RARS1: variants seen among roughly 807,000 people sequenced by gnomAD.
The protein encoded by RARS1 is arginine--tRNA ligase, cytoplasmic.
Under a neutral mutation model 78.7 loss-of-function variants are expected in RARS1, and 75 were observed. The ratio of observed to expected loss-of-function variants is 0.95; its 90% CI spans 0.79 to 1.15. The LOEUF is 1.15. Ranked by LOEUF, RARS1 falls within the 50% of genes most tolerant of loss-of-function variation. The pLI is 0.00. For missense variants in RARS1, 787 were observed against 787.5 expected, an observed-to-expected ratio of 1.00 and a Z score of 0.01; for synonymous variants, 273 against 268.2, an observed-to-expected ratio of 1.02 and a Z score of -0.18.
Position 168,497,174 on chromosome 5 carries a change from C to T in RARS1, c.702-54C>T, listed in dbSNP as rs1168993882. 13 of 1,285,146 alleles carry T rather than the reference C, an allele frequency of 1.0e-5. No individual in the cohort carries two copies. The East Asian group carries it at 3.7e-4, about 37-fold the overall frequency. The allele number at this position is 1,285,146 out of a possible 1,614,324, so 79.6% of individuals were successfully genotyped here. A position where few individuals can be genotyped will look rare whatever the true frequency, so the allele number is the denominator to read the frequency against. ...ATGGAATATAGTTCCTCTAATTTAACTTAACCATCTTTATTATTTAAAAAA... is the reference window on the plus strand; with the variant it reads ...ATGGAATATAGTTCCTCTAATTTAATTTAACCATCTTTATTATTTAAAAAA... On this transcript the variant is annotated intron_variant, in intron 6 of 14. Transcript: ENST00000231572.
chr5:168,508,659 G>A (rs1018804863), intron 11 of RARS1, among the ~76,000 whole-genome samples: 1 of 151,594 alleles, frequency 6.6e-6, no homozygotes, highest in Non-Finnish European at 1.5e-5. Context: ...CACAGAGGGG[G>A]ATGGGACTTA....
At chr5:168,503,743 A>T (rs1035643460) in intron 9 of RARS1, among the ~76,000 whole-genome samples, 1 of 152,028 alleles carries the variant, frequency 6.6e-6, no homozygotes, top group Non-Finnish European at 1.5e-5. Context: ...TATTTTAATC[A>T]CAGTCTAGGG....
At chr5:168,513,915 T>G (rs1758616454) in intron 12 of RARS1, among the ~76,000 whole-genome samples, 1 of 152,172 alleles carries the variant, frequency 6.6e-6, no homozygotes, top group Non-Finnish European at 1.5e-5. Flanking sequence ...TTGCACAATG[T>G]TTTTATTGGG....
At chr5:168,495,474 A>G (rs757994008) in intron 6 of RARS1, 38 bp downstream of exon 6, 4 of 1,584,122 alleles carry the variant, frequency 2.5e-6, no homozygotes, top group South Asian at 2.3e-5. Context: ...CTCTTTCCTT[A>G]TTTTCTTGTT....
At chr5:168,516,158 C>G (rs544857648) in intron 12 of RARS1, among the ~76,000 whole-genome samples, 10 of 152,286 alleles carry the variant, frequency 6.6e-5, no homozygotes, top group African/African-American at 2.4e-4. Context: ...TTGATGCTCT[C>G]TAGTGACTTC....
chr5:168,511,306 G>A (rs1011003210), intron 12 of RARS1, among the ~76,000 whole-genome samples: 2 of 151,898 alleles, frequency 1.3e-5, no homozygotes, highest in African/African-American at 2.4e-5. Flanking sequence ...CTGGCTGTAG[G>A]AGCATGGCAC....
chr5:168,507,878 A>C (rs1758480876), intron 11 of RARS1, among the ~76,000 whole-genome samples: 1 of 97,604 alleles, frequency 1.0e-5, no homozygotes, highest in African/African-American at 3.6e-5. Context: ...CATATCTGCC[A>C]AAAAAAAAAA....
chr5:168,490,162 A>G (rs937152934), intron 2 of RARS1, among the ~76,000 whole-genome samples: 7 of 152,052 alleles, frequency 4.6e-5, no homozygotes, highest in Middle Eastern at 3.2e-3. Flanking sequence ...CATATTACCT[A>G]TATGTGATCT....
At chr5:168,492,561 T>G in intron 2 of RARS1, 98 bp from the exon 3 acceptor site, 7 of 1,079,216 alleles carry the variant, frequency 6.5e-6, no homozygotes, top group Non-Finnish European at 9.3e-6. Flanking sequence ...TTTTGGTTCT[T>G]AAGATATTTG....
At chr5:168,493,794 G>A (rs115461823) in intron 3 of RARS1, 100 bp from the exon 4 acceptor site, 1 of 860,950 alleles carries the variant, frequency 1.2e-6, no homozygotes, top group Non-Finnish European at 1.9e-6. Context: ...CCTTTTGATG[G>A]TTCTTAACGT....
rs1758437114 is a variant in RARS1 at position 168,506,026 on chromosome 5, G to T, written c.1063G>T (p.Val355Leu). The change falls in exon 10 of 15, where the codon GTG (valine) becomes TTG (leucine). Residue 355 changes from valine (V) to leucine (L), a missense_variant. By Grantham distance (32) the Val-to-Leu change is conservative (BLOSUM62 1). Coordinates refer to ENST00000231572, the MANE Select transcript of RARS1 (RefSeq NM_002887.4). ...IVKEFEDRGF[V>L]QVDDGRKIVF... ...AAGTGTTTTTTACCCCCTAGGATTT[G>T]TGCAGGTGGATGATGGCAGAAAGAT... 1 of 1,599,574 alleles carries T rather than the reference G, an allele frequency of 6.3e-7. No individual in the cohort carries two copies. The highest frequency in any genetic ancestry group is 1.3e-5 in the African/African-American group (1 of 74,258).
At chr5:168,500,764 A>G (rs761470396) in intron 8 of RARS1, 44 bp downstream of exon 8, 4 of 1,585,090 alleles carry the variant, frequency 2.5e-6, no homozygotes, top group East Asian at 2.3e-5. Context: ...AATACTATGT[A>G]TATCATTTCC....
chr5:168,500,765 T>C (rs1758303898), intron 8 of RARS1, 45 bp downstream of exon 8: 3 of 1,583,398 alleles, frequency 1.9e-6, no homozygotes, highest in Non-Finnish European at 2.6e-6. Context: ...ATACTATGTA[T>C]ATCATTTCCT....
At chr5:168,513,052 C>CTT (rs541411053) in intron 12 of RARS1, among the ~76,000 whole-genome samples, 18,364 of 143,688 alleles carry the variant, frequency 0.13, 1,563 homozygotes, top group Non-Finnish European at 0.19. Context: ...TCTTTCTTTC[C>CTT]TTTTTTTTTT....
At chr5:168,487,843 G>A (rs1003383381) in intron 1 of RARS1, among the ~76,000 whole-genome samples, 5 of 152,146 alleles carry the variant, frequency 3.3e-5, no homozygotes, top group Non-Finnish European at 7.4e-5. Context: ...ACTGGAAACA[G>A]GAAGAAATGG....
Position 168,509,940 on chromosome 5 carries a change from C to T in RARS1, c.1347-641C>T, listed in dbSNP as rs186191997. ...GAGCTGTGGTCATACTACTTCACTC[C>T]AGCCTGGGTGACAGAGCAAGACCCT... On this transcript the variant is annotated intron_variant, in intron 11 of 14. Coordinates refer to ENST00000231572, the MANE Select transcript of RARS1 (RefSeq NM_002887.4). Among the ~76,000 whole-genome samples, 3 of 152,224 alleles carry T rather than the reference C, an allele frequency of 2.0e-5. No homozygotes were observed. The East Asian group carries it at 5.8e-4, about 29-fold the overall frequency.
intron 7 of RARS1, among the ~76,000 whole-genome samples, chr5:168,500,133 G>A (rs1758283352): frequency 7.9e-6 from 1 of 126,420 alleles, no homozygotes; most frequent in Non-Finnish European, 1.6e-5. Context: ...GTTGCAGTGA[G>A]CCGAAATCAT....
rs672601372 is a variant in RARS1 at position 168,486,503 on chromosome 5, A to G, written c.5A>G (p.Asp2Gly). M[D>G]VLVSECSARL... ...GAGTGAGACGCTGATGGGAGGATGG[A>G]CGTACTGGTGTCTGAGTGCTCCGCG... Residue 2 changes from aspartate (D) to glycine (G), a missense_variant, in exon 1 of 15, where the codon GAC becomes GGC. Coordinates refer to ENST00000231572, the MANE Select transcript of RARS1 (RefSeq NM_002887.4). 2.8e-5 allele frequency: 44 copies of G among 1,558,898 alleles called. No homozygotes were observed. The highest frequency in any genetic ancestry group is 4.1e-5 in the African/African-American group (3 of 74,054).
At position 168,518,071 on chromosome 5, in the gene RARS1, C is replaced by CTTTTTATTTTTTTTTT; in HGVS notation, c.1873+14_1873+15insATTTTTTTTTTTTTTT. On this transcript the variant is annotated intron_variant, in intron 14 of 14. Transcript: ENST00000231572. ...GAAAGATAGACAGACTGGTGAGTGTCTTTTTTTTTTTTTTTTTTTTTTTTA... is the reference window on the plus strand; with the variant it reads ...GAAAGATAGACAGACTGGTGAGTGTCTTTTTATTTTTTTTTTTTTTTTTTTTTTTTTTTTTTTTTTA... 1.3e-6 allele frequency: 1 copy of CTTTTTATTTTTTTTTT among 747,560 alleles called. No individual in the cohort carries two copies. The highest frequency in any genetic ancestry group is 1.6e-6 in the Non-Finnish European group (1 of 622,936). 46.3% of individuals were successfully genotyped at this position (747,560 alleles called of 1,614,324 possible).
Sources: allele counts gnomAD v4.1 joint callset (sites outside exome capture counted in the v4.1 genomes callset), GRCh38; gene constraint gnomAD v4.1.1; transcripts MANE v1.5; gene names NCBI Gene and HGNC (gene_info 2026-07-23, HGNC 2026-07-21).